Variants in DLGAP2 observed in about 807,000 individuals in gnomAD.
The protein encoded by DLGAP2 is disks large-associated protein 2.
Under a neutral mutation model 100.3 loss-of-function variants are expected in DLGAP2, and 26 were observed. The observed-to-expected ratio is 0.26, with a 90% CI of 0.19 to 0.36. The LOEUF (loss-of-function observed/expected upper bound fraction) is 0.36. DLGAP2 is among the 10% of genes least tolerant of loss of function. The probability of loss-of-function intolerance (pLI) is 1.00; values close to 1 mark genes in which losing one functional copy is unlikely to be tolerated. For synonymous variants in DLGAP2, 886 were observed against 630.1 expected (o/e 1.41, Z -6.08); for missense variants, 1,858 against 1,453.2 (o/e 1.28, Z -4.53).
chr8:1,334,138 G>C (rs1277081050), intron 3 of DLGAP2, among the ~76,000 whole-genome samples: 1 of 152,252 alleles, frequency 6.6e-6, no homozygotes, highest in Non-Finnish European at 1.5e-5. Flanking sequence ...CAGTGAGTCT[G>C]AGAGCTCCTC....
At chr8:842,837 T>C (rs1169729086) in intron 1 of DLGAP2, among the ~76,000 whole-genome samples, 1 of 152,240 alleles carries the variant, frequency 6.6e-6, no homozygotes, top group East Asian at 1.9e-4. Flanking sequence ...CTGTCATTTA[T>C]TTCTAAACGT....
At chr8:1,003,229 T>G (rs1053777831) in intron 2 of DLGAP2, 1 of 152,214 alleles carries the variant, frequency 6.6e-6, no homozygotes. Context: ...TTACCCTAAA[T>G]CAGGAGAGCA....
chr8:1,206,448 T>TG (rs1797993369), intron 2 of DLGAP2, among the ~76,000 whole-genome samples: 9 of 47,994 alleles, frequency 1.9e-4, no homozygotes, highest in East Asian at 9.6e-4. Context: ...ATCCGTGGAC[T>TG]GGGGTAGACT....
At chr8:1,154,831 C>T (rs550792675) in intron 2 of DLGAP2, among the ~76,000 whole-genome samples, 1 of 152,178 alleles carries the variant, frequency 6.6e-6, no homozygotes, top group African/African-American at 2.4e-5. Flanking sequence ...GCCCGGGGTG[C>T]CTTGGAGTTA....
rs531026108 is a variant in DLGAP2 at position 1,176,245 on chromosome 8, C to G, written c.74-82606C>G. Reference sequence around the variant, plus strand: ...TGCTGCCACTTTCAAACCATCAGACCTCGTGAGAATTCCCTCATTACCACA... The same window carrying G: ...TGCTGCCACTTTCAAACCATCAGACGTCGTGAGAATTCCCTCATTACCACA... On this transcript the variant is annotated intron_variant, in intron 2 of 14. Transcript: ENST00000637795. Among the ~76,000 whole-genome samples the G allele has an allele frequency of 1.6e-4, 24 of 152,238 alleles. No individual in the cohort carries two copies. In the East Asian group the frequency reaches 3.5e-3, roughly 22 times the overall value.
At chr8:1,288,703 C>T (rs1303353120) in intron 3 of DLGAP2, among the ~76,000 whole-genome samples, 3 of 124,528 alleles carry the variant, frequency 2.4e-5, no homozygotes, top group Admixed American at 8.6e-5. Context: ...GTGTGTGGTT[C>T]TGTTAGGGGA....
At chr8:774,491 T>G (rs1270167969) in intron 1 of DLGAP2, among the ~76,000 whole-genome samples, 4 of 151,870 alleles carry the variant, frequency 2.6e-5, no homozygotes, top group African/African-American at 4.8e-5. Flanking sequence ...GGTCTAACGT[T>G]TAAGTCTTTA....
intron 1 of DLGAP2, among the ~76,000 whole-genome samples, chr8:757,206 C>T (rs999612785): frequency 5.3e-5 from 8 of 152,176 alleles, no homozygotes; most frequent in Admixed American, 3.3e-4. Flanking sequence ...AAATTCTTCC[C>T]TCCCCTGAAC....
At chr8:1,498,820 G>T (rs957098819) in intron 3 of DLGAP2, among the ~76,000 whole-genome samples, 1 of 152,146 alleles carries the variant, frequency 6.6e-6, no homozygotes, top group Non-Finnish European at 1.5e-5. Flanking sequence ...CAAAATGTAG[G>T]CTGAAAATAC....
intron 2 of DLGAP2, chr8:1,137,805 T>C (rs1026996237): frequency 3.9e-5 from 6 of 152,224 alleles, no homozygotes; most frequent in African/African-American, 1.2e-4. Context: ...TTATTTTTTT[T>C]CTTTTAAGAC....
At chr8:1,012,652 C>A (rs985274185) in intron 2 of DLGAP2, among the ~76,000 whole-genome samples, 1 of 131,150 alleles carries the variant, frequency 7.6e-6, no homozygotes, top group Non-Finnish European at 1.6e-5. Flanking sequence ...GTCCGACCAG[C>A]CCCCCACTTC....
intron 2 of DLGAP2, among the ~76,000 whole-genome samples, chr8:930,818 G>A (rs1798939821): frequency 6.6e-6 from 1 of 152,218 alleles, no homozygotes; most frequent in East Asian, 1.9e-4. Flanking sequence ...GAAAACCAGG[G>A]AACTCAGATT....
chr8:976,505 G>A (rs947435710), intron 2 of DLGAP2, among the ~76,000 whole-genome samples: 3 of 152,152 alleles, frequency 2.0e-5, no homozygotes, highest in Admixed American at 1.3e-4. Flanking sequence ...CCAGCTACTT[G>A]GGAGGCTGAG....
chr8:1,655,908 C>T (rs4354330), intron 8 of DLGAP2, among the ~76,000 whole-genome samples: 55,275 of 152,120 alleles, frequency 0.36, 10,221 homozygotes, highest in East Asian at 0.5. Flanking sequence ...ATGAGGAAGA[C>T]GTTCCACGCT....
At chr8:819,183 A>G (rs1331489966) in intron 1 of DLGAP2, among the ~76,000 whole-genome samples, 2 of 152,234 alleles carry the variant, frequency 1.3e-5, no homozygotes, top group East Asian at 1.9e-4. Context: ...GTTAAGTATG[A>G]GCGTAAGCTT....
intron 2 of DLGAP2, among the ~76,000 whole-genome samples, chr8:1,040,983 C>T (rs530055898): frequency 6.6e-6 from 1 of 152,076 alleles, no homozygotes; most frequent in Non-Finnish European, 1.5e-5. Flanking sequence ...CCAGAAACAA[C>T]ATACATAGGA....
intron 2 of DLGAP2, among the ~76,000 whole-genome samples, chr8:1,065,187 G>A (rs966454853): frequency 6.6e-6 from 1 of 152,138 alleles, no homozygotes; most frequent in African/African-American, 2.4e-5. Context: ...CCCAGTGTTC[G>A]CTGAAGCTGT....
intron 1 of DLGAP2, among the ~76,000 whole-genome samples, chr8:866,025 A>T (rs576282579): frequency 2.0e-5 from 3 of 152,156 alleles, no homozygotes; most frequent in East Asian, 3.9e-4. Flanking sequence ...TCTCTTTTTA[A>T]ATTTTTTATG....
chr8:1,334,126 G>A (rs1482288345), intron 3 of DLGAP2, among the ~76,000 whole-genome samples: 3 of 152,220 alleles, frequency 2.0e-5, no homozygotes, highest in Non-Finnish European at 4.4e-5. Flanking sequence ...ACACAGTGAT[G>A]CCAGTGAGTC....
Sources: allele counts gnomAD v4.1 joint callset (sites outside exome capture counted in the v4.1 genomes callset), GRCh38; gene constraint gnomAD v4.1.1; transcripts MANE v1.5; gene names NCBI Gene and HGNC (gene_info 2026-07-23, HGNC 2026-07-21).